KIR3DL3: variants seen among roughly 807,000 people sequenced by gnomAD.
The protein encoded by KIR3DL3 is killer cell immunoglobulin like receptor, three Ig domains and long cytoplasmic tail 3, also known as killer cell immunoglobulin-like receptor 3DL3.
A neutral mutation model predicts 34.9 loss-of-function variants in KIR3DL3; 27 were observed. That is an observed-to-expected ratio of 0.77 (90% CI 0.57 to 1.07). KIR3DL3 has a LOEUF of 1.07. Ranked by LOEUF, KIR3DL3 falls within the 50% of genes least tolerant of loss-of-function variation. The probability of loss-of-function intolerance (pLI) is 0.00; values close to 1 mark genes in which losing one functional copy is unlikely to be tolerated. For synonymous variants in KIR3DL3, 217 were observed against 200.2 expected (o/e 1.08, Z -0.71); for missense variants, 681 against 528.5 (o/e 1.29, Z -2.83).
Position 54,727,764 on chromosome 19 carries a change from A to G in KIR3DL3, c.509A>G (p.Gln170Arg). The change falls in exon 4 of 8, where the codon CAG becomes CGG. Residue 170 changes from glutamine to arginine, a missense_variant. By Grantham distance (43) the Gln-to-Arg change is conservative. Transcript: ENST00000291860. ...ITEDPLRLVG[Q>R]LHDAGSQVNY... ...GAGGACCCCTTGCGCCTCGTTGGAC[A>G]GCTCCACGATGCGGGTTCCCAGGTC... is the stretch of plus-strand genomic sequence containing the variant. 2 of 1,613,456 alleles carry G rather than the reference A, an allele frequency of 1.2e-6. No homozygotes were observed. Among genetic ancestry groups the G allele is most frequent in the Non-Finnish European group, 1.7e-6 (2 of 1,179,872 alleles).
At chr19:54,730,559 GA>G (rs1056141592) in intron 5 of KIR3DL3, among the ~76,000 whole-genome samples, 3 of 151,590 alleles carry the variant, frequency 2.0e-5, no homozygotes, top group Admixed American at 6.6e-5. Context: ...GGGCAACAGA[GA>G]GAGACACTCT....
In KIR3DL3 at chr19:54,729,534, A is replaced by G; in HGVS notation, c.697A>G (p.Thr233Ala). Residue 233 changes from threonine to alanine, a missense_variant, in exon 5 of 8, where the codon ACG becomes GCG. Coordinates refer to ENST00000291860, the MANE Select transcript of KIR3DL3 (RefSeq NM_153443.5). ...TTCTCTCTCAGCCCAGCCGGGCCCCACGGTTCAGGCAGGAGAGAATGTGAC... is the reference window on the plus strand; with the variant it reads ...TTCTCTCTCAGCCCAGCCGGGCCCCGCGGTTCAGGCAGGAGAGAATGTGAC... ...KPSLSAQPGP[T>A]VQAGENVTLS... 1 of 1,605,950 alleles carries G rather than the reference A, an allele frequency of 6.2e-7. No homozygotes were observed. Among genetic ancestry groups the G allele is most frequent in the South Asian group, 1.1e-5 (1 of 90,206 alleles).
rs774709417 is a variant in KIR3DL3, at chr19:54,727,840, C to G, written c.585C>G (p.Cys195Trp). Residue 195 changes from cysteine (C) to tryptophan (W), a missense_variant, in exon 4 of 8, where the codon TGC (cysteine) becomes TGG (tryptophan). Transcript: ENST00000291860. ...CTGCCCTTGCAGGGACCTACAGATG[C>G]TTTGGTTCTGTCACTCACTTACCCT... is the stretch of plus-strand genomic sequence containing the variant. ...MTPALAGTYR[C>W]FGSVTHLPYE... The G allele has an allele frequency of 1.2e-6, 2 of 1,614,048 alleles. No individual in the cohort carries two copies. Among genetic ancestry groups the G allele is most frequent in the East Asian group, 2.2e-5 (1 of 44,810 alleles).
In KIR3DL3 at chr19:54,736,102, A is replaced by C; in HGVS notation, c.*6A>C. ...CAACAGATACCAGCGTGTAACACGG[A>C]ACTTCCAAATGCTGAGCGCAGATCC... On this transcript the variant is annotated 3_prime_UTR_variant, in exon 8 of 8. Coordinates refer to ENST00000291860, the MANE Select transcript of KIR3DL3 (RefSeq NM_153443.5). 1 of 1,612,740 alleles carries C rather than the reference A, an allele frequency of 6.2e-7. No homozygotes were observed. Among genetic ancestry groups the C allele is most frequent in the Non-Finnish European group, 8.5e-7 (1 of 1,179,826 alleles).
chr19:54,732,069 A>T (rs1440484671), intron 5 of KIR3DL3, among the ~76,000 whole-genome samples: 4 of 152,182 alleles, frequency 2.6e-5, no homozygotes, highest in African/African-American at 9.7e-5. Context: ...GTGGGGCAGC[A>T]TTCTCCTGCC....
intron 4 of KIR3DL3, 99 bp from the exon 5 acceptor site, chr19:54,729,394 A>G: frequency 8.1e-7 from 1 of 1,231,988 alleles, no homozygotes. Context: ...GAAAGAGAGC[A>G]TTAAGTCATA....
At chr19:54,733,573 G>A (rs1464289101) in intron 5 of KIR3DL3, among the ~76,000 whole-genome samples, 6 of 151,990 alleles carry the variant, frequency 3.9e-5, no homozygotes, top group African/African-American at 1.2e-4. Context: ...AATTACAAAG[G>A]CAACTGGATA....
chr19:54,735,284 G>C lies in KIR3DL3; in HGVS notation c.981G>C (p.Gly327=). 6.5e-7 allele frequency: 1 copy of C among 1,528,494 alleles called. No homozygotes were observed. Among genetic ancestry groups the C allele is most frequent in the Non-Finnish European group, 9.0e-7 (1 of 1,109,484 alleles). The allele number at this position is 1,528,494 out of a possible 1,614,324, so 94.7% of individuals were successfully genotyped here. ...CCAGAAACCTGCACGTTCTGATTGG[G>C]ACCTCAGTGGTCATCATCCCCTTTG... The part of the protein sequence containing the change: ...GNSRNLHVLI[G]TSVVIIPFAI... The change falls in exon 6 of 8, where the codon GGG becomes GGC. Residue 327 remains glycine, a synonymous_variant. Transcript: ENST00000291860.
chr19:54,726,088 G>T lies in KIR3DL3; in HGVS notation c.106G>T (p.Gly36Cys), dbSNP rs1415918822. Residue 36 changes from glycine (G) to cysteine (C), a missense_variant, in exon 3 of 8, where the codon GGC becomes TGC. Gly to Cys is a radical substitution (Grantham distance 159). Transcript: ENST00000291860. The stretch of plus-strand genomic sequence containing the variant: ...CAAGCCCTTCCTCTCTGCCTGGCCC[G>T]GCACTGTGGTGTCTGAAGGACAACA... Reference protein sequence around the residue: ...QDKPFLSAWPGTVVSEGQHVT... With the variant: ...QDKPFLSAWPCTVVSEGQHVT... The T allele has an allele frequency of 2.2e-5, 35 of 1,610,832 alleles. No individual in the cohort carries two copies. Among genetic ancestry groups the T allele is most frequent in the Admixed American group, 1.2e-4 (7 of 59,658 alleles).
Position 54,726,293 on chromosome 19 carries a change from C to A in KIR3DL3, c.311C>A (p.Thr104Asn), listed in dbSNP as rs536966126. Residue 104 changes from threonine (T) to asparagine (N), a missense_variant, in exon 3 of 8, where the codon ACT becomes AAT. Coordinates refer to ENST00000291860, the MANE Select transcript of KIR3DL3 (RefSeq NM_153443.5). ...TGCAGTTCACACCCACACTCCCCCACTGGGTGGTCGGCACCCAGCAACCCT... is the reference window on the plus strand; with the variant it reads ...TGCAGTTCACACCCACACTCCCCCAATGGGTGGTCGGCACCCAGCAACCCT... Reference protein sequence around the residue: ...RCCSSHPHSPTGWSAPSNPVV... With the variant: ...RCCSSHPHSPNGWSAPSNPVV... 1 of 1,613,966 alleles carries A rather than the reference C, an allele frequency of 6.2e-7. No individual in the cohort carries two copies. Among genetic ancestry groups the A allele is most frequent in the African/African-American group, 1.3e-5 (1 of 74,946 alleles).
intron 5 of KIR3DL3, among the ~76,000 whole-genome samples, chr19:54,731,567 A>C (rs1455877632): frequency 6.6e-6 from 1 of 151,960 alleles, no homozygotes; most frequent in Non-Finnish European, 1.5e-5. Flanking sequence ...TTCGTGGATG[A>C]AAACATGTTT....
chr19:54,727,226 C>G (rs370722088), intron 3 of KIR3DL3, among the ~76,000 whole-genome samples: 1 of 117,290 alleles, frequency 8.5e-6, no homozygotes, highest in Non-Finnish European at 1.8e-5. Flanking sequence ...CTGATGAGTT[C>G]GTACCTCCTG....
At chr19:54,725,339 G>GA in intron 2 of KIR3DL3, 57 bp downstream of exon 2, 1 of 1,302,180 alleles carries the variant, frequency 7.7e-7, no homozygotes, top group South Asian at 1.7e-5. Context: ...TGATGCTCCT[G>GA]AAACGGGAGG....
intron 4 of KIR3DL3, among the ~76,000 whole-genome samples, chr19:54,728,282 C>T (rs1302844520): frequency 2.0e-5 from 3 of 149,494 alleles, no homozygotes; most frequent in Non-Finnish European, 4.4e-5. Context: ...CCCAGGAGAA[C>T]CCAAAGAGAC....
chr19:54,731,436 G>T (rs2068778271), intron 5 of KIR3DL3, among the ~76,000 whole-genome samples: 1 of 151,574 alleles, frequency 6.6e-6, no homozygotes, highest in African/African-American at 2.4e-5. Context: ...CAGTAAGAGA[G>T]AATTTAGCTT....
intron 3 of KIR3DL3, 41 bp from the exon 4 acceptor site, chr19:54,727,570 G>T: frequency 6.3e-7 from 1 of 1,582,784 alleles, no homozygotes; most frequent in Non-Finnish European, 8.6e-7. Flanking sequence ...AATGGGATGA[G>T]AAAGGGAGAC....
Position 54,727,895 on chromosome 19 carries a change from G to A in KIR3DL3, c.640G>A (p.Asp214Asn). 1 of 1,611,260 alleles carries A rather than the reference G, an allele frequency of 6.2e-7. No homozygotes were observed. The highest frequency in any genetic ancestry group is 8.5e-7 in the Non-Finnish European group (1 of 1,177,954). The change falls in exon 4 of 8, where the codon GAC becomes AAC. Residue 214 changes from aspartate (D) to asparagine (N), a missense_variant. Transcript: ENST00000291860. The part of the protein sequence containing the change: ...YELSAPSDPL[D>N]IVVVGLYGKP... ...GTTGTCGGCTCCCAGTGACCCTCTG[G>A]ACATCGTGGTCGTAGGTGAGAGAAT...
In KIR3DL3 at chr19:54,726,127, T is replaced by G. The variant is rs1600165395; in HGVS notation, c.145T>G (p.Cys49Gly). 1.9e-6 allele frequency: 3 copies of G among 1,613,426 alleles called. No individual in the cohort carries two copies. In the East Asian group the frequency reaches 6.7e-5, roughly 36 times the overall value. ...TGAAGGACAACATGTGACTCTTCAG[T>G]GTCGCTCTCGTCTTGGGTTTAATGA... ...VSEGQHVTLQ[C>G]RSRLGFNEFS... Residue 49 changes from cysteine to glycine, a missense_variant, in exon 3 of 8, where the codon TGT becomes GGT. Coordinates refer to ENST00000291860, the MANE Select transcript of KIR3DL3 (RefSeq NM_153443.5).
At position 54,727,552 on chromosome 19, in the gene KIR3DL3, G is replaced by A. The variant is rs1248144800; in HGVS notation, c.356-59G>A. 5 of 1,501,850 alleles carry A rather than the reference G, an allele frequency of 3.3e-6. No individual in the cohort carries two copies. In the South Asian group the frequency reaches 6.1e-5, roughly 18 times the overall value. 93.0% of individuals were successfully genotyped at this position (1,501,850 alleles called of 1,614,324 possible). On this transcript the variant is annotated intron_variant, in intron 3 of 7. Coordinates refer to ENST00000291860, the MANE Select transcript of KIR3DL3 (RefSeq NM_153443.5). ...GGAGGGGAAGCCTCACTTATTTCAG[G>A]TCCCATGAATGGGATGAGAAAGGGA...
Sources: allele counts gnomAD v4.1 joint callset (sites outside exome capture counted in the v4.1 genomes callset), GRCh38; gene constraint gnomAD v4.1.1; transcripts MANE v1.5; gene names NCBI Gene and HGNC (gene_info 2026-07-23, HGNC 2026-07-21).